Variants in LRP2 observed in about 807,000 individuals in gnomAD.
LRP2 encodes low-density lipoprotein receptor-related protein 2.
In LRP2, 172 loss-of-function variants were observed where a neutral mutation model predicts 531.0. The ratio of observed to expected loss-of-function variants is 0.32; its 90% CI spans 0.29 to 0.37. The LOEUF is 0.37. Ranked by LOEUF, LRP2 falls within the 10% of genes least tolerant of loss-of-function variation. LRP2 has a pLI of 1.00. For missense variants in LRP2, 5,167 were observed against 5,868.3 expected (o/e 0.88, Z 3.90); for synonymous variants, 1,992 against 2,027.6 (o/e 0.98, Z 0.47).
intron 21 of LRP2, among the ~76,000 whole-genome samples, chr2:169,246,159 C>T (rs115579209): frequency 0.018 from 2,775 of 151,904 alleles, 86 homozygotes; most frequent in African/African-American, 0.063. Context: ...ATTTTATATA[C>T]ATATTTTTTT....
intron 25 of LRP2, 76 bp from the exon 26 acceptor site, chr2:169,239,851 T>A: frequency 3.1e-6 from 4 of 1,298,794 alleles, no homozygotes; most frequent in Non-Finnish European, 3.3e-6. Context: ...TATGCAATAT[T>A]TATTATGCAG....
intron 3 of LRP2, among the ~76,000 whole-genome samples, chr2:169,313,067 G>T (rs1392064908): frequency 6.6e-6 from 1 of 152,120 alleles, no homozygotes; most frequent in Admixed American, 6.5e-5. Flanking sequence ...GTCATTTAAG[G>T]TCTTCTCTAT....
At chr2:169,295,002 A>T (rs1684100605) in intron 4 of LRP2, among the ~76,000 whole-genome samples, 1 of 152,218 alleles carries the variant, frequency 6.6e-6, no homozygotes, top group East Asian at 1.9e-4. Flanking sequence ...GGCCCAGAAA[A>T]GTATCCCCTG....
chr2:169,221,053 A>C (rs2268370), intron 33 of LRP2, among the ~76,000 whole-genome samples: 76,104 of 151,922 alleles, frequency 0.5, 20,321 homozygotes, highest in African/African-American at 0.69. Context: ...AAGTCAACAA[A>C]CTAAACTGAA....
At chr2:169,205,943 C>T in intron 40 of LRP2, 80 bp downstream of exon 40, 1 of 1,536,032 alleles carries the variant, frequency 6.5e-7, no homozygotes, top group South Asian at 1.1e-5. Flanking sequence ...AACACATTGG[C>T]TATCTATGAA....
At chr2:169,187,094 G>A (rs1023739147) in intron 49 of LRP2, among the ~76,000 whole-genome samples, 2 of 151,720 alleles carry the variant, frequency 1.3e-5, no homozygotes, top group African/African-American at 4.8e-5. Flanking sequence ...CAACTTTTAA[G>A]TTCAGGGGTA....
chr2:169,208,856 C>T (rs1688495932), intron 38 of LRP2, among the ~76,000 whole-genome samples: 1 of 151,948 alleles, frequency 6.6e-6, no homozygotes, highest in Non-Finnish European at 1.5e-5. Flanking sequence ...TATAATACCA[C>T]TAATTATGAG....
chr2:169,259,194 T>C lies in LRP2; in HGVS notation c.2344A>G (p.Arg782Gly), dbSNP rs2105411521. The C allele has an allele frequency of 1.2e-6, 2 of 1,613,198 alleles. No homozygotes were observed. The highest frequency in any genetic ancestry group is 1.7e-6 in the Non-Finnish European group (2 of 1,179,408). ...GCCAAACTTTCAACATTTTCCACCC[T>C]GTTAGCTGCGAGAATTTCTCTTCCT... ...GTGREILAAN[R>G]VENVESLAFD... The change falls in exon 17 of 79, where the codon AGG becomes GGG. Residue 782 changes from arginine to glycine, a missense_variant. Transcript: ENST00000649046.
intron 1 of LRP2, among the ~76,000 whole-genome samples, chr2:169,361,715 C>G (rs1686169832): frequency 6.6e-6 from 1 of 152,312 alleles, no homozygotes; most frequent in African/African-American, 2.4e-5. Flanking sequence ...AGGAAAACTT[C>G]AAGAAAAGAC....
chr2:169,181,416 C>A, intron 52 of LRP2, 32 bp downstream of exon 52: 1 of 1,599,366 alleles, frequency 6.3e-7, no homozygotes, highest in Non-Finnish European at 8.6e-7. Flanking sequence ...TAAACAGTTA[C>A]ACAATTGTTT....
At position 169,257,452 on chromosome 2, in the gene LRP2, A is replaced by C. The variant is rs539756092; in HGVS notation, c.2514-203T>G. On this transcript the variant is annotated intron_variant, in intron 17 of 78. Coordinates refer to ENST00000649046, the MANE Select transcript of LRP2 (RefSeq NM_004525.3). ...AACATGTAACCAAAGTCACAAATACAAATGGCATTTAAATGGGCATTGAGA... is the reference window on the plus strand; with the variant it reads ...AACATGTAACCAAAGTCACAAATACCAATGGCATTTAAATGGGCATTGAGA... Among the ~76,000 whole-genome samples, 62 of 152,282 alleles carry C rather than the reference A, an allele frequency of 4.1e-4. 1 individual carries two copies. The highest frequency in any genetic ancestry group is 2.9e-3 in the South Asian group (14 of 4,832).
Position 169,205,640 on chromosome 2 carries a change from A to C in LRP2, c.7557-3T>G. 3 of 1,613,704 alleles carry C rather than the reference A, an allele frequency of 1.9e-6. No individual in the cohort carries two copies. The highest frequency in any genetic ancestry group is 2.5e-6 in the Non-Finnish European group (3 of 1,179,776). On this transcript the variant is annotated splice_region_variant and splice_polypyrimidine_tract_variant and intron_variant, in intron 40 of 78. Transcript: ENST00000649046. Reference sequence around the variant, plus strand: ...CCCAGTCAGCCCAGTACAGGTACCTAGTCATACAAAAGGAGTCAATAATTA... The same window carrying C: ...CCCAGTCAGCCCAGTACAGGTACCTCGTCATACAAAAGGAGTCAATAATTA...
intron 5 of LRP2, 147 bp downstream of exon 5, chr2:169,294,453 T>C (rs1258235831): frequency 6.6e-6 from 5 of 763,196 alleles, no homozygotes; most frequent in South Asian, 1.5e-5. Flanking sequence ...ATTTCCAGTG[T>C]GTAAATACTC....
rs763912556 is a variant in LRP2 at position 169,279,525 on chromosome 2, T to C, written c.1412A>G (p.Asn471Ser). The change falls in exon 12 of 79, where the codon AAC (asparagine) becomes AGC (serine). Residue 471 changes from asparagine (N) to serine (S), a missense_variant. Physicochemically the swap from Asn to Ser is conservative, Grantham distance 46. Coordinates refer to ENST00000649046, the MANE Select transcript of LRP2 (RefSeq NM_004525.3). ...ATTATTAACCCAGTCCACAGCCAGG[T>C]TCTCTGGGGTTTCAACAGAAACATT... ...VLNVSVETPE[N>S]LAVDWVNNKI... The C allele has an allele frequency of 2.5e-6, 4 of 1,613,944 alleles. No individual in the cohort carries two copies. Among genetic ancestry groups the C allele is most frequent in the Admixed American group, 1.7e-5 (1 of 60,020 alleles).
At position 169,170,522 on chromosome 2, in the gene LRP2, C is replaced by T. The variant is rs530279228; in HGVS notation, c.11380+29G>A. On this transcript the variant is annotated intron_variant, in intron 59 of 78. Coordinates refer to ENST00000649046, the MANE Select transcript of LRP2 (RefSeq NM_004525.3). ...CCCTACACTGTCACAGTACAAAATT[C>T]TATGGTAAGCTTCTCAAATGACAGT... 176 of 1,572,298 alleles carry T rather than the reference C, an allele frequency of 1.1e-4. 2 individuals are homozygous for T. In the South Asian group the frequency reaches 1.8e-3, roughly 16 times the overall value.
At chr2:169,303,203 A>G (rs575808203) in intron 4 of LRP2, among the ~76,000 whole-genome samples, 1 of 152,310 alleles carries the variant, frequency 6.6e-6, no homozygotes, top group Non-Finnish European at 1.5e-5. Context: ...AAAACCTTCC[A>G]TACTAAAAAA....
intron 3 of LRP2, among the ~76,000 whole-genome samples, chr2:169,312,675 C>T (rs542586705): frequency 1.1e-4 from 16 of 152,070 alleles, no homozygotes; most frequent in African/African-American, 2.7e-4. Context: ...CTGACAATTA[C>T]GTGTCTTGGA....
rs1306195066 is a variant in LRP2 at position 169,292,280 on chromosome 2, T to C, written c.742A>G (p.Lys248Glu). Reference sequence around the variant, plus strand: ...CATCCATCTTCATCTCCATTATCTTTACAGTCATCTTCTCCATCACAAACC... The same window carrying C: ...CATCCATCTTCATCTCCATTATCTTCACAGTCATCTTCTCCATCACAAACC... ...NWVCDGEDDC[K>E]DNGDEDGCES... is the part of the protein sequence containing the mutation. The change falls in exon 7 of 79, where the codon AAA becomes GAA. Residue 248 changes from lysine (K) to glutamate (E), a missense_variant. Transcript: ENST00000649046. The C allele has an allele frequency of 4.3e-6, 7 of 1,613,482 alleles. No individual in the cohort carries two copies. The African/African-American group carries it at 8.0e-5, about 18-fold the overall frequency.
intron 50 of LRP2, among the ~76,000 whole-genome samples, chr2:169,183,353 ATG>A (rs1687509987): frequency 6.6e-6 from 1 of 152,240 alleles, no homozygotes; most frequent in South Asian, 2.1e-4. Flanking sequence ...GTAAATCCTG[ATG>A]AATGAGATGG....
Sources: allele counts gnomAD v4.1 joint callset (sites outside exome capture counted in the v4.1 genomes callset), GRCh38; gene constraint gnomAD v4.1.1; transcripts MANE v1.5; gene names NCBI Gene and HGNC (gene_info 2026-07-23, HGNC 2026-07-21).